Variants in JMJD1C observed in about 807,000 individuals in gnomAD.
JMJD1C encodes jumonji domain-containing protein 1C.
Under a neutral mutation model 245.3 loss-of-function variants are expected in JMJD1C, and 31 were observed. The ratio of observed to expected loss-of-function variants is 0.13; its 90% CI spans 0.09 to 0.17. JMJD1C has a LOEUF of 0.17. Ranked by LOEUF, JMJD1C falls within the 10% of genes least tolerant of loss-of-function variation. JMJD1C has a pLI of 1.00. For missense variants in JMJD1C, 2,691 were observed against 3,000.2 expected (o/e 0.90, Z 2.41); for synonymous variants, 1,057 against 1,017.4 (o/e 1.04, Z -0.74).
chr10:63,418,823 T>C (rs1300884282), intron 1 of JMJD1C, among the ~76,000 whole-genome samples: 1 of 152,170 alleles, frequency 6.6e-6, no homozygotes, highest in Non-Finnish European at 1.5e-5. Context: ...TTCATGCCTG[T>C]AATCCCAGCA....
At chr10:63,276,886 T>TTTTTTTG (rs1403116610) in intron 2 of JMJD1C, among the ~76,000 whole-genome samples, 1 of 110,182 alleles carries the variant, frequency 9.1e-6, no homozygotes, top group African/African-American at 3.8e-5. Flanking sequence ...GCTTGGGGCT[T>TTTTTTTG]TTTTTTTTTT....
At chr10:63,481,854 G>A (rs1041161017) in intron 1 of JMJD1C, among the ~76,000 whole-genome samples, 2 of 152,178 alleles carry the variant, frequency 1.3e-5, no homozygotes, top group African/African-American at 4.8e-5. Context: ...AGAACCTACG[G>A]CAGAGAAAGA....
Position 63,193,397 on chromosome 10 carries a change from T to G in JMJD1C, c.5810A>C (p.Asn1937Thr). 6.2e-7 allele frequency: 1 copy of G among 1,603,526 alleles called. No homozygotes were observed. Among genetic ancestry groups the G allele is most frequent in the Non-Finnish European group, 8.5e-7 (1 of 1,172,592 alleles). Reference sequence around the variant, plus strand: ...ATTTCCAACTTGTAAATTCTGTTTGTTAGTACAATGACAATGGGATTTAAT... The same window carrying G: ...ATTTCCAACTTGTAAATTCTGTTTGGTAGTACAATGACAATGGGATTTAAT... Reference protein sequence around the residue: ...YGIKSHCHCTNKQNLQVGNFP... With the variant: ...YGIKSHCHCTTKQNLQVGNFP... The change falls in exon 15 of 26, where the codon AAC becomes ACC. Residue 1937 changes from asparagine (N) to threonine (T), a missense_variant. Physicochemically the swap from Asn to Thr is moderately conservative, Grantham distance 65 (BLOSUM62 0). Coordinates refer to ENST00000399262, the MANE Select transcript of JMJD1C (RefSeq NM_032776.3).
At chr10:63,481,124 CTATAAG>C (rs1459745817) in intron 1 of JMJD1C, among the ~76,000 whole-genome samples, 1 of 152,180 alleles carries the variant, frequency 6.6e-6, no homozygotes, top group African/African-American at 2.4e-5. Context: ...TGCTGAGAAA[CTATAAG>C]TATTTTTCTT....
rs189121111 is a variant in JMJD1C, at chr10:63,492,177, G to A, written n.113+29561C>T. Among the ~76,000 whole-genome samples the A allele has an allele frequency of 3.9e-3, 595 of 152,292 alleles. 8 individuals carry two copies. Among genetic ancestry groups the A allele is most frequent in the Admixed American group, 0.016 (245 of 15,294 alleles). On this transcript the variant is annotated intron_variant and non_coding_transcript_variant, in intron 1 of 3. Coordinates refer to the JMJD1C transcript ENST00000633035. ...GCCCCGGAAGCAGCTGGGACTACAG[G>A]CCCATGCCACCATGCCTGGATAATT...
chr10:63,374,788 T>C (rs1038439569), intron 2 of JMJD1C, among the ~76,000 whole-genome samples: 2 of 152,200 alleles, frequency 1.3e-5, no homozygotes, highest in Admixed American at 6.5e-5. Flanking sequence ...ATGTAGAGGA[T>C]AGATGTTAGG....
chr10:63,277,731 C>CTTTTTTTTGTTTTTTTTTTTTTTTTTT (rs1856945567), intron 2 of JMJD1C, among the ~76,000 whole-genome samples: 1 of 64,262 alleles, frequency 1.6e-5, no homozygotes. Flanking sequence ...ATTTGCATTT[C>CTTTTTTTTGTTTTTTTTTTTTTTTTTT]TTTTTTTTTT....
intron 1 of JMJD1C, among the ~76,000 whole-genome samples, chr10:63,428,151 A>T (rs17813795): frequency 6.6e-6 from 1 of 151,976 alleles, no homozygotes; most frequent in Non-Finnish European, 1.5e-5. Context: ...GGAGGGGACT[A>T]AAAAAACAAG....
intron 1 of JMJD1C, among the ~76,000 whole-genome samples, chr10:63,473,035 G>A (rs991618733): frequency 4.1e-4 from 62 of 150,660 alleles, no homozygotes; most frequent in African/African-American, 1.4e-3. Context: ...TGCCCTCCTC[G>A]GCCTCCCAAA....
At chr10:63,423,781 T>C (rs1950268822) in intron 1 of JMJD1C, among the ~76,000 whole-genome samples, 2 of 152,250 alleles carry the variant, frequency 1.3e-5, no homozygotes, top group Non-Finnish European at 2.9e-5. Flanking sequence ...AGGTTCCAAT[T>C]TCTCCAATCC....
intron 1 of JMJD1C, among the ~76,000 whole-genome samples, chr10:63,385,098 C>G (rs1240228194): frequency 6.6e-6 from 1 of 151,982 alleles, no homozygotes; most frequent in Non-Finnish European, 1.5e-5. Context: ...TCCGGAGGTT[C>G]AAGAAGAGGG....
At chr10:63,279,725 C>T (rs1195500807) in intron 2 of JMJD1C, among the ~76,000 whole-genome samples, 1 of 152,184 alleles carries the variant, frequency 6.6e-6, no homozygotes, top group East Asian at 1.9e-4. Flanking sequence ...CACTGTACTA[C>T]AGTCTAGATG....
intron 1 of JMJD1C, among the ~76,000 whole-genome samples, chr10:63,384,173 C>T (rs1287576965): frequency 6.6e-6 from 1 of 152,180 alleles, no homozygotes; most frequent in African/African-American, 2.4e-5. Context: ...TCTTCAAGCT[C>T]TAGTTTTGAT....
At chr10:63,241,984 T>G (rs757998183) in intron 3 of JMJD1C, among the ~76,000 whole-genome samples, 1 of 152,182 alleles carries the variant, frequency 6.6e-6, no homozygotes, top group Non-Finnish European at 1.5e-5. Context: ...AACAGGAAGC[T>G]AACGGGGTTC....
chr10:63,457,849 T>A (rs898752061), intron 1 of JMJD1C, among the ~76,000 whole-genome samples: 4 of 152,208 alleles, frequency 2.6e-5, no homozygotes, highest in Non-Finnish European at 5.9e-5. Flanking sequence ...TTTCAAAAAC[T>A]CTTTTCAGTT....
chr10:63,460,420 G>A (rs994003994), intron 1 of JMJD1C, among the ~76,000 whole-genome samples: 1 of 152,122 alleles, frequency 6.6e-6, no homozygotes, highest in South Asian at 2.1e-4. Context: ...TTCAGGAGGT[G>A]AGGTGGGAGG....
chr10:63,202,610 C>G, intron 10 of JMJD1C: 1 of 985,430 alleles, frequency 1.0e-6, no homozygotes, highest in Non-Finnish European at 1.2e-6. Context: ...TACATGCTTT[C>G]CCCTCTCTGT....
chr10:63,270,181 T>C (rs1406420370), intron 2 of JMJD1C, among the ~76,000 whole-genome samples: 3 of 152,204 alleles, frequency 2.0e-5, no homozygotes, highest in Non-Finnish European at 4.4e-5. Flanking sequence ...TCTCTATTTT[T>C]TGGAGGACGT....
intron 8 of JMJD1C, among the ~76,000 whole-genome samples, chr10:63,211,868 A>C (rs893403980): frequency 1.3e-5 from 2 of 151,438 alleles, no homozygotes; most frequent in Non-Finnish European, 1.5e-5. Context: ...AAACAAAAAA[A>C]CCACCCATGT....
Sources: allele counts gnomAD v4.1 joint callset (sites outside exome capture counted in the v4.1 genomes callset), GRCh38; gene constraint gnomAD v4.1.1; transcripts MANE v1.5; gene names NCBI Gene and HGNC (gene_info 2026-07-23, HGNC 2026-07-21).